The following FDFT1 variants were observed in gnomAD, a reference collection of about 807,000 sequenced individuals.
The protein encoded by FDFT1 is farnesyl-diphosphate farnesyltransferase 1.
A neutral mutation model predicts 46.8 loss-of-function variants in FDFT1; 68 were observed. The observed-to-expected ratio is 1.45, with a 90% CI of 1.19 to 1.78. The LOEUF (loss-of-function observed/expected upper bound fraction) is 1.78. Ranked by LOEUF, FDFT1 falls within the 40% of genes most tolerant of loss-of-function variation. The pLI is 0.00. For synonymous variants in FDFT1, 351 were observed against 185.1 expected (o/e 1.90, Z -7.28); for missense variants, 928 against 524.4 (o/e 1.77, Z -7.52).
chr8:11,832,951 T>C (rs888368506), intron 7 of FDFT1, among the ~76,000 whole-genome samples: 1 of 152,212 alleles, frequency 6.6e-6, no homozygotes, highest in South Asian at 2.1e-4. Context: ...AACAGTGTTT[T>C]CATCTAAATA....
intron 1 of FDFT1, 187 bp from the exon 2 acceptor site, chr8:11,808,607 C>A: frequency 7.2e-7 from 1 of 1,391,254 alleles, no homozygotes; most frequent in Non-Finnish European, 9.3e-7. Flanking sequence ...GGGGCCCGGG[C>A]GCAGGCACCG....
At chr8:11,838,134 G>T (rs184685550) in intron 7 of FDFT1, among the ~76,000 whole-genome samples, 4 of 152,112 alleles carry the variant, frequency 2.6e-5, no homozygotes, top group Non-Finnish European at 5.9e-5. Flanking sequence ...CGCTGCTCTC[G>T]AGGGCCTCTG....
Position 11,821,684 on chromosome 8 carries a change from T to C in FDFT1, c.382-66T>C, listed in dbSNP as rs911461840. On this transcript the variant is annotated intron_variant, in intron 3 of 7. Coordinates refer to ENST00000220584, the MANE Select transcript of FDFT1 (RefSeq NM_004462.5). ...TGATTAATTCCGCCATTGTTTGCCT[T>C]GTGATCTTTGGTGCCATGTCTGTAC... The C allele has an allele frequency of 2.6e-6, 4 of 1,566,286 alleles. No individual in the cohort carries two copies. The Admixed American group carries it at 5.0e-5, about 20-fold the overall frequency.
At chr8:11,828,512 C>A (rs964294362) in intron 5 of FDFT1, among the ~76,000 whole-genome samples, 1 of 152,208 alleles carries the variant, frequency 6.6e-6, no homozygotes, top group African/African-American at 2.4e-5. Flanking sequence ...CTCCCGGCTC[C>A]TAGGCCAGCC....
exon 1 of FDFT1, chr8:11,795,638 T>A (rs980410554): frequency 6.6e-6 from 1 of 151,930 alleles, no homozygotes; most frequent in Non-Finnish European, 1.5e-5. Flanking sequence ...TTGCAATAAA[T>A]TTTAATACTT....
At position 11,813,581 on chromosome 8, in the gene FDFT1, C is replaced by T. The variant is rs529082412; in HGVS notation, c.381+3731C>T. Among the ~76,000 whole-genome samples, 3 of 152,282 alleles carry T rather than the reference C, an allele frequency of 2.0e-5. No individual in the cohort carries two copies. The South Asian group carries it at 6.2e-4, about 32-fold the overall frequency. On this transcript the variant is annotated intron_variant, in intron 3 of 7. Coordinates refer to ENST00000220584, the MANE Select transcript of FDFT1 (RefSeq NM_004462.5). ...GAATCTGGAAGGTCTGGCTTCAGAT[C>T]TCTTGTGCTGAGTCACTCGCATACT...
intron 4 of FDFT1, 120 bp downstream of exon 4, chr8:11,821,998 A>G (rs1427406631): frequency 8.3e-7 from 1 of 1,206,322 alleles, no homozygotes; most frequent in Non-Finnish European, 1.2e-6. Context: ...TTTACAATTC[A>G]TCTGTTTAGG....
At chr8:11,800,253 T>C (rs1220822602), upstream of FDFT1, among the ~76,000 whole-genome samples, 3 of 73,106 alleles carry the variant, frequency 4.1e-5, no homozygotes, top group Non-Finnish European at 7.1e-5. Flanking sequence ...AGAGTGAAAT[T>C]CTGTCTCAAA....
At chr8:11,812,577 C>G (rs1210986814) in intron 3 of FDFT1, among the ~76,000 whole-genome samples, 1 of 152,188 alleles carries the variant, frequency 6.6e-6, no homozygotes, top group Non-Finnish European at 1.5e-5. Context: ...CCTGAATCAA[C>G]CAGGTTGTTA....
At chr8:11,797,834 G>T (rs890161491), upstream of FDFT1, 2 of 152,234 alleles carry the variant, frequency 1.3e-5, no homozygotes, top group African/African-American at 2.4e-5. Context: ...GCCAAGGCCG[G>T]ATGTGAAGTA....
chr8:11,808,969 G>T (rs887810647), intron 2 of FDFT1, 78 bp downstream of exon 2: 4 of 1,554,048 alleles, frequency 2.6e-6, no homozygotes, highest in South Asian at 1.2e-5. Context: ...GCTACCTTTT[G>T]ATATAGCGCT....
intron 7 of FDFT1, among the ~76,000 whole-genome samples, chr8:11,837,594 C>A (rs1039706535): frequency 6.6e-6 from 1 of 152,234 alleles, no homozygotes; most frequent in Admixed American, 6.5e-5. Context: ...TAGACAGGTG[C>A]AGTAGGTCTG....
intron 3 of FDFT1, 117 bp from the exon 4 acceptor site, chr8:11,821,633 G>C (rs1420912530): frequency 2.5e-6 from 3 of 1,220,326 alleles, no homozygotes; most frequent in East Asian, 2.5e-5. Flanking sequence ...ACCTAAATTA[G>C]GCTTATAGAT....
chr8:11,832,180 TC>T (rs1397304156), intron 7 of FDFT1, among the ~76,000 whole-genome samples: 1 of 152,184 alleles, frequency 6.6e-6, no homozygotes, highest in Middle Eastern at 3.2e-3. Flanking sequence ...TTGGAAAATT[TC>T]ATTTCAAATA....
At chr8:11,818,684 C>T (rs1259606286) in intron 3 of FDFT1, among the ~76,000 whole-genome samples, 2 of 151,896 alleles carry the variant, frequency 1.3e-5, no homozygotes, top group Admixed American at 6.6e-5. Flanking sequence ...GGATTGCATT[C>T]CCTGCTTTTT....
chr8:11,831,716 G>A, intron 7 of FDFT1, 46 bp downstream of exon 7: 2 of 1,493,338 alleles, frequency 1.3e-6, no homozygotes, highest in Admixed American at 1.7e-5. Context: ...CTACTTTTAT[G>A]ATTTAGTAAT....
chr8:11,825,878 C>G, intron 4 of FDFT1, 146 bp from the exon 5 acceptor site: 1 of 448,870 alleles, frequency 2.2e-6, no homozygotes, highest in Non-Finnish European at 4.0e-6. Flanking sequence ...TTTTTTAAAT[C>G]CTGGTATGTA....
intron 3 of FDFT1, among the ~76,000 whole-genome samples, chr8:11,816,770 C>G (rs1563314558): frequency 6.6e-6 from 1 of 152,174 alleles, no homozygotes; most frequent in East Asian, 1.9e-4. Flanking sequence ...AGATTTAGGG[C>G]TGAGACGATG....
At chr8:11,798,975 G>A (rs1177668594), upstream of FDFT1, among the ~76,000 whole-genome samples, 2 of 152,354 alleles carry the variant, frequency 1.3e-5, no homozygotes, top group South Asian at 2.1e-4. Context: ...GGCGTTTGAG[G>A]TAGGAGCTTT....
Sources: allele counts gnomAD v4.1 joint callset (sites outside exome capture counted in the v4.1 genomes callset), GRCh38; gene constraint gnomAD v4.1.1; transcripts MANE v1.5; gene names NCBI Gene and HGNC (gene_info 2026-07-23, HGNC 2026-07-21).